The following HMCN2 variants were observed in gnomAD, a reference collection of about 807,000 sequenced individuals.
HMCN2 encodes the protein hemicentin 2.
A neutral mutation model predicts 377.5 loss-of-function variants in HMCN2; 325 were observed. The observed-to-expected ratio is 0.86, with a 90% CI of 0.79 to 0.94. The LOEUF (loss-of-function observed/expected upper bound fraction) is 0.94. Ranked by LOEUF, HMCN2 falls within the 40% of genes least tolerant of loss-of-function variation. The pLI, the probability that HMCN2 is intolerant of heterozygous loss-of-function variation, is 0.00. For synonymous variants in HMCN2, 2,007 were observed against 2,046.8 expected, an observed-to-expected ratio of 0.98 and a Z score of 0.53; for missense variants, 4,543 against 4,725.3, an observed-to-expected ratio of 0.96 and a Z score of 1.13.
In HMCN2 at chr9:130,407,269, CCTT is replaced by C. The variant is rs1007883993; in HGVS notation, c.12554-299_12554-297del. The C allele has an allele frequency of 2.4e-3, 418 of 171,110 alleles. 5 individuals carry two copies. The highest frequency in any genetic ancestry group is 9.3e-3 in the African/African-American group (387 of 41,560). 10.6% of individuals were successfully genotyped at this position (171,110 alleles called of 1,614,324 possible). A position where few individuals can be genotyped will look rare whatever the true frequency, so the allele number is the denominator to read the frequency against. ...GTCTCAAAGAAAAAAAAAAAAGAAACCTTCTCTCTAGAAATCATGGCAGTGTTT... is the reference window on the plus strand; with the variant it reads ...GTCTCAAAGAAAAAAAAAAAAGAAACCTCTCTAGAAATCATGGCAGTGTTT... On this transcript the variant is annotated intron_variant, in intron 82 of 97. Coordinates refer to ENST00000683500, the MANE Select transcript of HMCN2 (RefSeq NM_001291815.2).
At chr9:130,278,931 C>T (rs1345693930) in intron 1 of HMCN2, among the ~76,000 whole-genome samples, 1 of 148,640 alleles carries the variant, frequency 6.7e-6, no homozygotes, top group Non-Finnish European at 1.5e-5. Flanking sequence ...CGGAGTCTCA[C>T]TCTGTTGCTC....
intron 77 of HMCN2, among the ~76,000 whole-genome samples, chr9:130,401,940 G>A (rs145746363): frequency 0.012 from 1,789 of 152,012 alleles, 27 homozygotes; most frequent in African/African-American, 0.041. Context: ...AGCTGGGTGC[G>A]GTGGTGCATG....
At chr9:130,433,308 C>G (rs1281544547) in intron 97 of HMCN2, 40 bp from the exon 98 acceptor site, 1 of 1,381,522 alleles carries the variant, frequency 7.2e-7, no homozygotes, top group African/African-American at 1.5e-5. Context: ...TCCGACCGCA[C>G]CCCCGAGTCC....
intron 19 of HMCN2, among the ~76,000 whole-genome samples, chr9:130,324,316 G>A (rs1254772202): frequency 6.6e-6 from 1 of 152,086 alleles, no homozygotes; most frequent in African/African-American, 2.4e-5. Context: ...TGTTTTTAAG[G>A]TTCATCCATG....
chr9:130,383,146 C>T (rs1054400135), intron 56 of HMCN2, among the ~76,000 whole-genome samples: 31 of 152,088 alleles, frequency 2.0e-4, no homozygotes, highest in Admixed American at 2.0e-3. Context: ...CACCAGCTGG[C>T]GCGTGCAGAG....
In HMCN2 at chr9:130,302,858, C is replaced by T. The variant is rs555831906; in HGVS notation, c.1278C>T (p.Gly426=). Residue 426 remains glycine (G), a splice_region_variant and synonymous_variant, in exon 9 of 98, where the codon GGC becomes GGT. Coordinates refer to ENST00000683500, the MANE Select transcript of HMCN2 (RefSeq NM_001291815.2). ...CTGAGTCCTGGTCCCCGCCTACAGGCGCTCCCCTCGTCAGCATGGCCCCCA... is the reference window on the plus strand; with the variant it reads ...CTGAGTCCTGGTCCCCGCCTACAGGTGCTCCCCTCGTCAGCATGGCCCCCA... ...SGVSYSGVAP[G]APLVSMAPRI... is the part of the protein sequence containing the mutation. 2.4e-4 allele frequency: 113 copies of T among 462,668 alleles called. No homozygotes were observed. Among genetic ancestry groups the T allele is most frequent in the African/African-American group, 1.7e-3 (85 of 50,022 alleles). 28.7% of individuals were successfully genotyped at this position (462,668 alleles called of 1,614,324 possible).
rs904627199 is a variant in HMCN2, at chr9:130,405,304, G to A, written c.12339+245G>A. ...AGCTCCTGGGGAAGGGAGGGAACTC[G>A]GACTAGGGCTCAGGGATACGGTGAT... On this transcript the variant is annotated intron_variant, in intron 81 of 97. Coordinates refer to ENST00000683500, the MANE Select transcript of HMCN2 (RefSeq NM_001291815.2). Among the ~76,000 whole-genome samples the A allele has an allele frequency of 6.6e-5, 10 of 152,244 alleles. 1 individual carries two copies. Among genetic ancestry groups the A allele is most frequent in the Admixed American group, 3.9e-4 (6 of 15,290 alleles).
intron 60 of HMCN2, 66 bp downstream of exon 60, chr9:130,385,828 A>G (rs1841996677): frequency 8.9e-7 from 1 of 1,125,544 alleles, no homozygotes. Flanking sequence ...AGCCCTGGCG[A>G]GCTGCGGGGA....
At chr9:130,386,589 G>A in intron 61 of HMCN2, 65 bp downstream of exon 61, 1 of 1,102,760 alleles carries the variant, frequency 9.1e-7, no homozygotes, top group Non-Finnish European at 1.2e-6. Context: ...GGGCTGCCAA[G>A]GAGGACAAAG....
chr9:130,377,837 C>A (rs1035238079), intron 53 of HMCN2, 38 bp downstream of exon 53: 27 of 985,634 alleles, frequency 2.7e-5, no homozygotes, highest in Non-Finnish European at 3.3e-5. Context: ...GGGCGTCAGC[C>A]AGTGTGAGGA....
At chr9:130,406,438 C>G (rs1393657457) in intron 82 of HMCN2, 2 of 338,860 alleles carry the variant, frequency 5.9e-6, no homozygotes, top group Non-Finnish European at 1.2e-5. Flanking sequence ...GGCCTGTGTT[C>G]TAGTCCAGAG....
In HMCN2 at chr9:130,276,563, G is replaced by A. The variant is rs1272355504; in HGVS notation, c.260-8040G>A. 6.6e-5 allele frequency among the ~76,000 whole-genome samples: 10 copies of A among 152,326 alleles called. No homozygotes were observed. In the East Asian group the frequency reaches 1.9e-3, roughly 29 times the overall value. ...TCCATCACTGGGTGTTCAGGGAGAG[G>A]CCCTGGGGAGGAGGCCCCGAGGAGA... On this transcript the variant is annotated intron_variant, in intron 1 of 97. Coordinates refer to ENST00000683500, the MANE Select transcript of HMCN2 (RefSeq NM_001291815.2).
intron 15 of HMCN2, among the ~76,000 whole-genome samples, chr9:130,311,067 T>C (rs1232253121): frequency 6.6e-6 from 1 of 152,214 alleles, no homozygotes; most frequent in Non-Finnish European, 1.5e-5. Context: ...CCATCCCATA[T>C]TGGAGTTCCT....
intron 79 of HMCN2, 143 bp downstream of exon 79, chr9:130,403,471 C>T (rs1564860732): frequency 1.0e-6 from 1 of 970,726 alleles, no homozygotes. Flanking sequence ...AGATACGCCC[C>T]CACCCTTGCT....
chr9:130,357,152 G>A (rs1432792251), intron 34 of HMCN2, among the ~76,000 whole-genome samples: 1 of 151,382 alleles, frequency 6.6e-6, no homozygotes, highest in East Asian at 2.0e-4. Flanking sequence ...AAGGGTGGAT[G>A]GATGGGTAAA....
intron 41 of HMCN2, among the ~76,000 whole-genome samples, 164 bp from the exon 42 acceptor site, chr9:130,365,467 T>C (rs922102245): frequency 6.6e-6 from 1 of 152,222 alleles, no homozygotes; most frequent in South Asian, 2.1e-4. Context: ...TTCTGGAAAC[T>C]TCCCGGTGCA....
At chr9:130,295,499 G>A (rs1227226592) in intron 5 of HMCN2, among the ~76,000 whole-genome samples, 167 bp from the exon 6 acceptor site, 5 of 152,116 alleles carry the variant, frequency 3.3e-5, no homozygotes, top group Non-Finnish European at 5.9e-5. Flanking sequence ...GGATCCCTGA[G>A]GGTGGAGCGT....
intron 72 of HMCN2, 46 bp downstream of exon 72, chr9:130,396,111 C>A: frequency 8.1e-7 from 1 of 1,231,048 alleles, no homozygotes; most frequent in South Asian, 1.4e-5. Flanking sequence ...TTACCCCACC[C>A]TGCCCACCCC....
chr9:130,429,812 G>T (rs1455155948), intron 94 of HMCN2, 127 bp downstream of exon 94: 1 of 1,426,002 alleles, frequency 7.0e-7, no homozygotes, highest in Non-Finnish European at 9.2e-7. Context: ...CAGCTCAGGG[G>T]CTGAGGGTGT....
Sources: allele counts gnomAD v4.1 joint callset (sites outside exome capture counted in the v4.1 genomes callset), GRCh38; gene constraint gnomAD v4.1.1; transcripts MANE v1.5; gene names NCBI Gene and HGNC (gene_info 2026-07-23, HGNC 2026-07-21).